CHSY3: variants seen among roughly 807,000 people sequenced by gnomAD.
CHSY3 encodes chondroitin sulfate synthase 3, also known as N-acetylgalactosaminyl-proteoglycan 3-beta-glucuronosyltransferase 3.
A neutral mutation model predicts 67.2 loss-of-function variants in CHSY3; 35 were observed. The observed-to-expected ratio is 0.52, with a 90% CI of 0.40 to 0.69. The LOEUF (loss-of-function observed/expected upper bound fraction) is 0.69. Among genes scored for constraint, CHSY3 ranks in the 30% least tolerant of loss-of-function variants. The probability of loss-of-function intolerance (pLI) is 0.00; values close to 1 mark genes in which losing one functional copy is unlikely to be tolerated. For synonymous variants in CHSY3, 474 were observed against 434.7 expected (o/e 1.09, Z -1.12); for missense variants, 1,069 against 1,138.5 (o/e 0.94, Z 0.88).
chr5:129,977,846 T>C (rs985482389), intron 2 of CHSY3, among the ~76,000 whole-genome samples: 8 of 147,284 alleles, frequency 5.4e-5, no homozygotes, highest in Non-Finnish European at 1.2e-4. Flanking sequence ...TTGCTCAGTA[T>C]GACCATTATA....
rs1320488584 is a variant in CHSY3, at chr5:129,904,909, T to A, written c.80T>A (p.Ile27Asn). The change falls in exon 1 of 3, where the codon ATC becomes AAC. Residue 27 changes from isoleucine (I) to asparagine (N), a missense_variant. Ile to Asn is a moderately radical substitution (Grantham distance 149, BLOSUM62 -3). This residue lies in a region of CHSY3 where 309 missense variants were observed against 262.5 expected (regional missense o/e 1.18). Transcript: ENST00000305031. ...VLGFTAASWL[I>N]APRVAELSER... The stretch of plus-strand genomic sequence containing the variant: ...GGCTTCACCGCCGCGTCCTGGCTCA[T>A]CGCCCCCAGGGTGGCGGAGCTGAGC... The A allele has an allele frequency of 1.3e-6, 2 of 1,531,758 alleles. No homozygotes were observed. Among genetic ancestry groups the A allele is most frequent in the East Asian group, 2.5e-5 (1 of 40,582 alleles). The allele number at this position is 1,531,758 out of a possible 1,614,324, so 94.9% of individuals were successfully genotyped here. A position where few individuals can be genotyped will look rare whatever the true frequency, so the allele number is the denominator to read the frequency against.
intron 2 of CHSY3, among the ~76,000 whole-genome samples, chr5:129,984,594 T>C (rs1217547487): frequency 1.3e-5 from 2 of 152,162 alleles, no homozygotes; most frequent in African/African-American, 4.8e-5. Flanking sequence ...CTTTGAGAAA[T>C]CTCTAAACTG....
At chr5:129,928,368 G>GT (rs935398673) in intron 2 of CHSY3, among the ~76,000 whole-genome samples, 2 of 151,922 alleles carry the variant, frequency 1.3e-5, no homozygotes, top group Admixed American at 6.6e-5. Context: ...AATAAAACAA[G>GT]TTTTTTTATT....
At chr5:130,135,087 A>T (rs941975922) in intron 2 of CHSY3, among the ~76,000 whole-genome samples, 3 of 152,038 alleles carry the variant, frequency 2.0e-5, no homozygotes, top group African/African-American at 7.2e-5. Flanking sequence ...ATACACACAC[A>T]TATATACGTG....
intron 2 of CHSY3, among the ~76,000 whole-genome samples, chr5:129,981,069 A>G (rs1433195229): frequency 8.4e-6 from 1 of 119,584 alleles, no homozygotes; most frequent in Non-Finnish European, 1.8e-5. Flanking sequence ...AAAAAAAAAA[A>G]AATTAGCCGG....
chr5:129,904,785 C>A lies in CHSY3; in HGVS notation c.-45C>A. 1.5e-6 allele frequency: 2 copies of A among 1,312,016 alleles called. No homozygotes were observed. Among genetic ancestry groups the A allele is most frequent in the African/African-American group, 3.1e-5 (2 of 65,192 alleles). The allele number at this position is 1,312,016 out of a possible 1,614,324, so 81.3% of individuals were successfully genotyped here. ...GGTGTGAGCCGGGGAAACCGCGTGC[C>A]GCGCCGCGACAGCCCAGCGAGCGTC... On this transcript the variant is annotated 5_prime_UTR_variant, in exon 1 of 3. Transcript: ENST00000305031.
intron 2 of CHSY3, among the ~76,000 whole-genome samples, chr5:130,044,485 A>C (rs1765089398): frequency 1.3e-5 from 2 of 152,158 alleles, no homozygotes; most frequent in Admixed American, 1.3e-4. Context: ...AGATGAAGTC[A>C]GTTTGGCTTT....
intron 2 of CHSY3, among the ~76,000 whole-genome samples, chr5:130,021,705 A>T (rs1764395641): frequency 6.6e-6 from 1 of 152,234 alleles, no homozygotes; most frequent in East Asian, 1.9e-4. Context: ...ACCCAGTGCT[A>T]TTTTACTTAT....
At chr5:130,157,572 A>G (rs1244118481) in intron 2 of CHSY3, among the ~76,000 whole-genome samples, 3 of 152,202 alleles carry the variant, frequency 2.0e-5, no homozygotes, top group Admixed American at 6.5e-5. Context: ...AAAATTTTCT[A>G]TGGGTCACAT....
intron 2 of CHSY3, among the ~76,000 whole-genome samples, chr5:130,172,315 CTTTTCTTTTCTTT>C (rs1561569344): frequency 5.9e-5 from 1 of 17,006 alleles, no homozygotes; most frequent in Non-Finnish European, 9.7e-5. Flanking sequence ...TTTTTCTTTT[CTTTTCTTTTCTTT>C]TTTTTTTTTT....
chr5:130,049,927 C>G (rs553550425), intron 2 of CHSY3, among the ~76,000 whole-genome samples: 1 of 152,044 alleles, frequency 6.6e-6, no homozygotes, highest in East Asian at 1.9e-4. Context: ...CAAAATTTCT[C>G]TATGGTTTGT....
At chr5:130,122,864 A>G (rs1049881631) in intron 2 of CHSY3, among the ~76,000 whole-genome samples, 5 of 152,222 alleles carry the variant, frequency 3.3e-5, no homozygotes, top group African/African-American at 1.2e-4. Flanking sequence ...ACATGAGAAA[A>G]TGACTAAAAT....
intron 2 of CHSY3, among the ~76,000 whole-genome samples, chr5:130,037,001 A>G (rs1764879916): frequency 6.6e-6 from 1 of 152,176 alleles, no homozygotes. Flanking sequence ...TGTGGCATGT[A>G]GATCCTCCAA....
At chr5:130,082,895 C>T (rs1234149823) in intron 2 of CHSY3, among the ~76,000 whole-genome samples, 1 of 151,132 alleles carries the variant, frequency 6.6e-6, no homozygotes, top group Non-Finnish European at 1.5e-5. Flanking sequence ...CACACACACA[C>T]ATATATATAT....
In CHSY3 at chr5:130,185,727, T is replaced by G; in HGVS notation, c.2585T>G (p.Met862Arg). 1 of 1,613,006 alleles carries G rather than the reference T, an allele frequency of 6.2e-7. No homozygotes were observed. The highest frequency in any genetic ancestry group is 8.5e-7 in the Non-Finnish European group (1 of 1,179,244). Reference sequence around the variant, plus strand: ...AAGGCAAGTACTTTCGCCTCAACCATGCAACTGGCTGAACTCTGGCTTGAA... The same window carrying G: ...AAGGCAAGTACTTTCGCCTCAACCAGGCAACTGGCTGAACTCTGGCTTGAA... ...GSKASTFAST[M>R]QLAELWLEKH... Residue 862 changes from methionine (M) to arginine (R), a missense_variant, in exon 3 of 3, where the codon ATG becomes AGG. Physicochemically the swap from Met to Arg is moderately conservative, Grantham distance 91. Coordinates refer to ENST00000305031, the MANE Select transcript of CHSY3 (RefSeq NM_175856.5).
Position 129,997,991 on chromosome 5 carries a change from G to T in CHSY3, c.1086+89631G>T, listed in dbSNP as rs528695652. Among the ~76,000 whole-genome samples the T allele has an allele frequency of 3.9e-4, 59 of 152,224 alleles. 1 individual carries two copies. The South Asian group carries it at 0.012, about 30-fold the overall frequency. ...ACATACGTGTGCATGTGTCTTTATG[G>T]TAGCATGATTTATTATTCTTTGGGA... On this transcript the variant is annotated intron_variant, in intron 2 of 2. Coordinates refer to ENST00000305031, the MANE Select transcript of CHSY3 (RefSeq NM_175856.5).
intron 2 of CHSY3, among the ~76,000 whole-genome samples, chr5:129,973,971 G>A (rs1762718863): frequency 1.3e-5 from 2 of 151,932 alleles, no homozygotes; most frequent in African/African-American, 4.8e-5. Context: ...TGGCTCCTAG[G>A]TCTGCAACGC....
At chr5:130,145,608 A>G (rs533462441) in intron 2 of CHSY3, among the ~76,000 whole-genome samples, 1 of 152,328 alleles carries the variant, frequency 6.6e-6, no homozygotes, top group Non-Finnish European at 1.5e-5. Context: ...AAATGAGATT[A>G]CATCAAACTA....
chr5:130,143,800 A>ATGTGTG lies in CHSY3; in HGVS notation c.1087-40428_1087-40427insGTGTGT, dbSNP rs1561557276. ...TATATATGTGTATATATATATATAT[A>ATGTGTG]TATATGTGTGTATATATATATATAT... On this transcript the variant is annotated intron_variant, in intron 2 of 2. Coordinates refer to ENST00000305031, the MANE Select transcript of CHSY3 (RefSeq NM_175856.5). Among the ~76,000 whole-genome samples the ATGTGTG allele has an allele frequency of 1.8e-3, 141 of 79,314 alleles. 2 individuals are homozygous for ATGTGTG. The highest frequency in any genetic ancestry group is 2.4e-3 in the Non-Finnish European group (108 of 44,114). The allele number at this position is 79,314 out of a possible 152,430, so 52.0% of individuals were successfully genotyped here. A position where few individuals can be genotyped will look rare whatever the true frequency, so the allele number is the denominator to read the frequency against.
Sources: gnomAD v4.1 joint callset for allele counts (sites outside exome capture counted in the v4.1 genomes callset) on GRCh38, gnomAD v4.1.1 for gene constraint, gnomAD v4.1.1 regional missense constraint, MANE v1.5 for transcripts, NCBI Gene and HGNC (gene_info 2026-07-23, HGNC 2026-07-21) for gene names.